LDB2: variants seen among roughly 807,000 people sequenced by gnomAD.
The protein encoded by LDB2 is LIM domain-binding protein 2.
A neutral mutation model predicts 44.3 loss-of-function variants in LDB2; 12 were observed. The ratio of observed to expected loss-of-function variants is 0.27; its 90% CI spans 0.17 to 0.44. The LOEUF (loss-of-function observed/expected upper bound fraction) is 0.44, where lower values mean the gene tolerates loss of function less well. LDB2 is among the 20% of genes least tolerant of loss of function. The pLI is 1.00. For missense variants in LDB2, 344 were observed against 473.5 expected, an observed-to-expected ratio of 0.73 and a Z score of 2.54; for synonymous variants, 164 against 174.8, an observed-to-expected ratio of 0.94 and a Z score of 0.49.
At chr4:16,781,912 G>T (rs1400361904) in intron 1 of LDB2, among the ~76,000 whole-genome samples, 1 of 152,082 alleles carries the variant, frequency 6.6e-6, no homozygotes, top group Non-Finnish European at 1.5e-5. Flanking sequence ...AAGCCAAGGG[G>T]TGCCACCAAA....
At chr4:16,741,225 C>A (rs73799257) in intron 2 of LDB2, among the ~76,000 whole-genome samples, 1 of 152,170 alleles carries the variant, frequency 6.6e-6, no homozygotes, top group Non-Finnish European at 1.5e-5. Flanking sequence ...TAAAGCACTA[C>A]GGTTTGTCAA....
Position 16,586,898 on chromosome 4 carries a change from T to G in LDB2, c.532-893A>C, listed in dbSNP as rs144071698. On this transcript the variant is annotated intron_variant, in intron 4 of 7. Transcript: ENST00000304523. ...CCCCTTGTCTCCACGTCTGCCTTCATGAGACTAGATTATACTAATGTGACT... is the reference window on the plus strand; with the variant it reads ...CCCCTTGTCTCCACGTCTGCCTTCAGGAGACTAGATTATACTAATGTGACT... Among the ~76,000 whole-genome samples the G allele has an allele frequency of 1.8e-3, 270 of 152,370 alleles. 5 individuals are homozygous for G. The East Asian group carries it at 0.032, about 18-fold the overall frequency.
intron 1 of LDB2, chr4:16,893,026 G>A (rs527334372): frequency 3.5e-6 from 3 of 861,114 alleles, no homozygotes; most frequent in East Asian, 1.2e-4. Flanking sequence ...GAAAATGGGG[G>A]AAAAAAAAGA....
intron 4 of LDB2, among the ~76,000 whole-genome samples, chr4:16,586,501 C>G (rs952056093): frequency 1.7e-5 from 2 of 115,946 alleles, no homozygotes; most frequent in Admixed American, 8.2e-5. Flanking sequence ...CACACACACA[C>G]ACACACACAC....
chr4:16,548,045 GCCTCC>G (rs1736381245), intron 5 of LDB2, among the ~76,000 whole-genome samples: 1 of 151,132 alleles, frequency 6.6e-6, no homozygotes, highest in Non-Finnish European at 1.5e-5. Flanking sequence ...TGCAACCTCT[GCCTCC>G]CAGGTTCAAG....
intron 1 of LDB2, among the ~76,000 whole-genome samples, chr4:16,846,052 T>G (rs918781489): frequency 1.3e-5 from 2 of 149,568 alleles, no homozygotes; most frequent in Admixed American, 6.7e-5. Context: ...AGGCAGAGCT[T>G]GCAGTGAGCT....
At chr4:16,857,605 C>G (rs918349654) in intron 1 of LDB2, among the ~76,000 whole-genome samples, 5 of 152,202 alleles carry the variant, frequency 3.3e-5, no homozygotes, top group African/African-American at 7.2e-5. Flanking sequence ...GCTCCGAGCA[C>G]AAAGAGGTCT....
chr4:16,590,061 G>A (rs1390461183), intron 3 of LDB2, among the ~76,000 whole-genome samples: 1 of 152,188 alleles, frequency 6.6e-6, no homozygotes, highest in African/African-American at 2.4e-5. Context: ...TGCTACCCAA[G>A]AAAACACAAA....
At chr4:16,558,647 T>A (rs1408218024) in intron 5 of LDB2, among the ~76,000 whole-genome samples, 1 of 152,140 alleles carries the variant, frequency 6.6e-6, no homozygotes, top group African/African-American at 2.4e-5. Flanking sequence ...CAGGATATTA[T>A]CCAGGAGAAC....
chr4:16,639,360 A>G (rs1734518563), intron 2 of LDB2, among the ~76,000 whole-genome samples: 1 of 152,254 alleles, frequency 6.6e-6, no homozygotes, highest in East Asian at 1.9e-4. Context: ...ACCCAAAGAC[A>G]GGTGTAACAT....
intron 5 of LDB2, among the ~76,000 whole-genome samples, chr4:16,513,166 C>T (rs1432511827): frequency 6.6e-6 from 1 of 152,168 alleles, no homozygotes; most frequent in Non-Finnish European, 1.5e-5. Flanking sequence ...CTAGAGGCCA[C>T]CCTGCTTTTG....
intron 1 of LDB2, among the ~76,000 whole-genome samples, chr4:16,833,740 A>G (rs972858619): frequency 1.3e-5 from 2 of 152,238 alleles, no homozygotes; most frequent in East Asian, 3.9e-4. Context: ...ATGGGGTTTC[A>G]GCATGTTGTC....
At chr4:16,776,649 A>G (rs1771969967) in intron 1 of LDB2, among the ~76,000 whole-genome samples, 1 of 152,254 alleles carries the variant, frequency 6.6e-6, no homozygotes. Flanking sequence ...ACACAAATCC[A>G]CGTCCTTGAA....
intron 1 of LDB2, among the ~76,000 whole-genome samples, chr4:16,830,324 G>C (rs1783836770): frequency 6.6e-6 from 1 of 152,006 alleles, no homozygotes; most frequent in African/African-American, 2.4e-5. Flanking sequence ...TTTTTGTAAA[G>C]GGCTCTTCCC....
intron 1 of LDB2, among the ~76,000 whole-genome samples, chr4:16,778,718 C>T (rs1348734236): frequency 1.3e-5 from 2 of 152,090 alleles, no homozygotes; most frequent in Non-Finnish European, 2.9e-5. Context: ...ATGCATTATC[C>T]CATATGGTTT....
chr4:16,844,516 T>C (rs1415178783), intron 1 of LDB2, among the ~76,000 whole-genome samples: 1 of 152,152 alleles, frequency 6.6e-6, no homozygotes, highest in Non-Finnish European at 1.5e-5. Context: ...TAAGGATTTG[T>C]CTGTTATTTT....
At chr4:16,842,947 A>G (rs974741895) in intron 1 of LDB2, among the ~76,000 whole-genome samples, 5 of 152,224 alleles carry the variant, frequency 3.3e-5, no homozygotes, top group Non-Finnish European at 7.3e-5. Context: ...AGTTTATGAA[A>G]GAGGACACTG....
chr4:16,598,473 C>T (rs889224015), intron 2 of LDB2, among the ~76,000 whole-genome samples: 3 of 152,184 alleles, frequency 2.0e-5, no homozygotes, highest in African/African-American at 4.8e-5. Flanking sequence ...TCCAATTGAG[C>T]TGCCTCAAGC....
Position 16,700,274 on chromosome 4 carries a change from CT to C in LDB2, c.235+58883del, listed in dbSNP as rs574274433. Among the ~76,000 whole-genome samples the C allele has an allele frequency of 3.2e-3, 493 of 152,256 alleles. 6 individuals carry two copies. The highest frequency in any genetic ancestry group is 0.012 in the African/African-American group (478 of 41,538). ...GTGCCCTGTATTCTATTTGGCAATT[CT>C]AATAAATGGTCAACTTCTCATTTTT... On this transcript the variant is annotated intron_variant, in intron 2 of 7. Transcript: ENST00000304523.
Sources: allele counts gnomAD v4.1 joint callset (sites outside exome capture counted in the v4.1 genomes callset), GRCh38; gene constraint gnomAD v4.1.1; transcripts MANE v1.5; gene names NCBI Gene and HGNC (gene_info 2026-07-23, HGNC 2026-07-21).